RERE: variants seen among roughly 807,000 people sequenced by gnomAD.
RERE encodes the protein arginine-glutamic acid dipeptide repeats, also known as arginine-glutamic acid dipeptide repeats protein.
Under a neutral mutation model 146.1 loss-of-function variants are expected in RERE, and 40 were observed. The observed-to-expected ratio is 0.27, with a 90% confidence interval of 0.21 to 0.36. The LOEUF (loss-of-function observed/expected upper bound fraction) is 0.36, where lower values mean the gene tolerates loss of function less well. Ranked by LOEUF, RERE falls within the 10% of genes least tolerant of loss-of-function variation. The probability of loss-of-function intolerance (pLI) is 1.00; values close to 1 mark genes in which losing one functional copy is unlikely to be tolerated. For synonymous variants in RERE, 1,003 were observed against 866.0 expected (o/e 1.16, Z -2.78); for missense variants, 1,933 against 2,138.7 (o/e 0.90, Z 1.90).
intron 1 of RERE, among the ~76,000 whole-genome samples, chr1:8,754,999 A>C (rs1179574752): frequency 6.6e-6 from 1 of 152,264 alleles, no homozygotes; most frequent in Non-Finnish European, 1.5e-5. Flanking sequence ...AGCAAAAATA[A>C]GAATAGACTA....
At chr1:8,527,851 T>C (rs1294051182) in intron 7 of RERE, among the ~76,000 whole-genome samples, 1 of 151,886 alleles carries the variant, frequency 6.6e-6, no homozygotes, top group East Asian at 1.9e-4. Flanking sequence ...TCACACTCTC[T>C]CCCGTGGAAA....
chr1:8,509,434 A>G (rs543874589), intron 7 of RERE, among the ~76,000 whole-genome samples: 2,564 of 115,788 alleles, frequency 0.022, 70 homozygotes, highest in African/African-American at 0.056. Context: ...CCATCCATCC[A>G]TCCGTCCGTC....
chr1:8,590,452 A>T lies in RERE; in HGVS notation c.522+24109T>A, dbSNP rs1373414334. Among the ~76,000 whole-genome samples, 3 of 152,242 alleles carry T rather than the reference A, an allele frequency of 2.0e-5. No individual in the cohort carries two copies. The South Asian group carries it at 6.2e-4, about 32-fold the overall frequency. ...TTCTCCCTCAAGAGGCTTAAATTCC[A>T]TTTGGGGAGGTAAATTAACTCAGGA... On this transcript the variant is annotated intron_variant, in intron 4 of 22. Coordinates refer to ENST00000400908, the MANE Select transcript of RERE (RefSeq NM_001042681.2).
intron 7 of RERE, chr1:8,525,623 G>A: frequency 1.1e-6 from 1 of 911,720 alleles, no homozygotes; most frequent in Non-Finnish European, 1.6e-6. Context: ...CCACCTACAT[G>A]GCCAGCTAGG....
intron 1 of RERE, among the ~76,000 whole-genome samples, chr1:8,784,159 G>GA (rs1478670717): frequency 2.6e-5 from 4 of 152,130 alleles, no homozygotes; most frequent in African/African-American, 9.7e-5. Flanking sequence ...GCCCACTTCA[G>GA]GACCTTTCCA....
intron 1 of RERE, among the ~76,000 whole-genome samples, chr1:8,809,458 C>T (rs573394442): frequency 6.6e-6 from 1 of 152,126 alleles, no homozygotes; most frequent in African/African-American, 2.4e-5. Flanking sequence ...CTACAAGAGA[C>T]AATAATCTGC....
intron 10 of RERE, among the ~76,000 whole-genome samples, chr1:8,487,907 A>G (rs1366420841): frequency 6.6e-6 from 1 of 152,136 alleles, no homozygotes; most frequent in African/African-American, 2.4e-5. Flanking sequence ...AATTTAACAA[A>G]ATGTTGTAAG....
chr1:8,365,933 G>A lies in RERE; in HGVS notation c.1326C>T (p.Pro442=), dbSNP rs760021275. The change falls in exon 13 of 23, where the codon CCC becomes CCT. Residue 442 remains proline (P), a synonymous_variant. Coordinates refer to ENST00000400908, the MANE Select transcript of RERE (RefSeq NM_001042681.2). The part of the protein sequence containing the change: ...ITFYYYWKKT[P]EAASSRAHRR... Reference sequence around the variant, plus strand: ...GATGGGCTCGGGAGCTGGCTGCTTCGGGGGTCTTCTTCCAATAGTAATAGA... The same window carrying A: ...GATGGGCTCGGGAGCTGGCTGCTTCAGGGGTCTTCTTCCAATAGTAATAGA... 19 of 1,613,824 alleles carry A rather than the reference G, an allele frequency of 1.2e-5. No individual in the cohort carries two copies. In the Admixed American group the frequency reaches 1.8e-4, roughly 16 times the overall value.
chr1:8,761,909 T>A (rs1424157857), intron 1 of RERE, among the ~76,000 whole-genome samples: 6 of 151,638 alleles, frequency 4.0e-5, no homozygotes, highest in Non-Finnish European at 7.4e-5. Context: ...GCAACAAGAG[T>A]GAAACTCTGT....
intron 1 of RERE, among the ~76,000 whole-genome samples, chr1:8,663,691 C>G (rs1205811723): frequency 6.6e-6 from 1 of 152,116 alleles, no homozygotes; most frequent in Non-Finnish European, 1.5e-5. Context: ...TATGAATCAC[C>G]ATTTAAAGCA....
At chr1:8,509,787 C>G (rs888999325) in intron 7 of RERE, among the ~76,000 whole-genome samples, 6 of 152,176 alleles carry the variant, frequency 3.9e-5, no homozygotes, top group African/African-American at 1.4e-4. Flanking sequence ...GAGCATGACC[C>G]TGTCTATAAA....
intron 11 of RERE, among the ~76,000 whole-genome samples, chr1:8,427,244 A>G (rs556852532): frequency 6.6e-6 from 1 of 152,194 alleles, no homozygotes; most frequent in East Asian, 1.9e-4. Flanking sequence ...TCCATTTTGA[A>G]CTCTCCTAAC....
At chr1:8,521,192 A>AAAAG (rs1645494217) in intron 7 of RERE, among the ~76,000 whole-genome samples, 1 of 134,380 alleles carries the variant, frequency 7.4e-6, no homozygotes, top group African/African-American at 2.7e-5. Flanking sequence ...AAAAAAAAAA[A>AAAAG]AGAACTCCAA....
At position 8,360,614 on chromosome 1, in the gene RERE, G is replaced by A; in HGVS notation, c.2893C>T (p.Pro965Ser). The A allele has an allele frequency of 6.6e-7, 1 of 1,513,366 alleles. No homozygotes were observed. The highest frequency in any genetic ancestry group is 8.8e-7 in the Non-Finnish European group (1 of 1,132,938). 93.7% of individuals were successfully genotyped at this position (1,513,366 alleles called of 1,614,324 possible). ...CTCAGGGGCTTCAGGGCTGGAGGGG[G>A]AGGCAGGTTGGCATTCATGGAGAAG... ...SPFSMNANLP[P>S]PPALKPLSSL... is the part of the protein sequence containing the mutation. Residue 965 changes from proline to serine, a missense_variant, in exon 18 of 23, where the codon CCC (proline) becomes TCC (serine). By Grantham distance (74) the Pro-to-Ser change is moderately conservative. Around this residue, in one of 11 missense-constraint regions of RERE, gnomAD observed 1,255 missense variants for 1,153.8 expected, o/e 1.09. Transcript: ENST00000400908.
chr1:8,745,284 G>GC lies in RERE; in HGVS notation c.-145+71875dup, dbSNP rs1315115573. Among the ~76,000 whole-genome samples, 6 of 152,210 alleles carry GC rather than the reference G, an allele frequency of 3.9e-5. No homozygotes were observed. The South Asian group carries it at 1.0e-3, about 26-fold the overall frequency. On this transcript the variant is annotated intron_variant, in intron 1 of 22. Transcript: ENST00000400908. ...GCCACCTTGTGAAGGTGCCTGCTTT[G>GC]CCTTTTGCCATGATTGTAAGTTTCC...
At chr1:8,633,785 C>G (rs569601117) in intron 2 of RERE, among the ~76,000 whole-genome samples, 2 of 151,736 alleles carry the variant, frequency 1.3e-5, no homozygotes, top group South Asian at 4.2e-4. Context: ...AAAAATTACC[C>G]AGGTGTGATG....
In RERE at chr1:8,360,230, T is replaced by A. The variant is rs1298396717; in HGVS notation, c.3277A>T (p.Ile1093Phe). 1 of 1,585,742 alleles carries A rather than the reference T, an allele frequency of 6.3e-7. No individual in the cohort carries two copies. Among genetic ancestry groups the A allele is most frequent in the East Asian group, 2.3e-5 (1 of 43,684 alleles). The change falls in exon 18 of 23, where the codon ATC becomes TTC. Residue 1093 changes from isoleucine (I) to phenylalanine (F), a missense_variant. Ile to Phe is a conservative substitution (Grantham distance 21). Coordinates refer to ENST00000400908, the MANE Select transcript of RERE (RefSeq NM_001042681.2). ...GCGTCGTCCAGAGCCTCCTCCTTGA[T>A]CTGGACGGTGGGGAGTGGGCAGGAC... Reference protein sequence around the residue: ...GSSCPLPTVQIKEEALDDAEE... With the variant: ...GSSCPLPTVQFKEEALDDAEE...
At chr1:8,520,253 T>G (rs894110903) in intron 7 of RERE, among the ~76,000 whole-genome samples, 1 of 152,136 alleles carries the variant, frequency 6.6e-6, no homozygotes, top group Non-Finnish European at 1.5e-5. Context: ...TCTAGCTTAA[T>G]AGAAGAAATC....
intron 7 of RERE, among the ~76,000 whole-genome samples, chr1:8,539,245 G>A (rs765794421): frequency 4.6e-5 from 7 of 152,160 alleles, no homozygotes; most frequent in Non-Finnish European, 1.0e-4. Flanking sequence ...AGGAAGACAT[G>A]AGAAGGTAGC....
Sources: gnomAD v4.1 joint callset for allele counts (sites outside exome capture counted in the v4.1 genomes callset) on GRCh38, gnomAD v4.1.1 for gene constraint, gnomAD v4.1.1 regional missense constraint, MANE v1.5 for transcripts, NCBI Gene and HGNC (gene_info 2026-07-23, HGNC 2026-07-21) for gene names.